The following PAMR1 variants were observed in gnomAD, a reference collection of about 807,000 sequenced individuals.
PAMR1 encodes the protein peptidase domain containing associated with muscle regeneration 1.
PAMR1 carries 88 observed loss-of-function variants against 81.8 expected under a neutral mutation model. That is an observed-to-expected ratio of 1.08 (90% confidence interval 0.91 to 1.28). PAMR1 has a LOEUF of 1.28. Among genes scored for constraint, PAMR1 ranks in the 50% most tolerant of loss-of-function variants. The probability of loss-of-function intolerance (pLI) is 0.00; values close to 1 mark genes in which losing one functional copy is unlikely to be tolerated. For missense variants in PAMR1, 935 were observed against 919.7 expected (o/e 1.02, Z -0.21); for synonymous variants, 336 against 345.3 (o/e 0.97, Z 0.30).
At chr11:35,525,769 C>A, upstream of PAMR1, 3 of 613,596 alleles carry the variant, frequency 4.9e-6, no homozygotes, top group Non-Finnish European at 8.7e-6. Flanking sequence ...GCGACGTCAG[C>A]CCAAACCTCT....
At chr11:35,493,722 GCACTTACTA>G (rs1459660521) in intron 2 of PAMR1, among the ~76,000 whole-genome samples, 7 of 152,088 alleles carry the variant, frequency 4.6e-5, no homozygotes, top group Non-Finnish European at 1.0e-4. Context: ...CTCTATCATA[GCACTTACTA>G]CACTGTATGG....
In PAMR1 at chr11:35,435,938, C is replaced by T. The variant is rs758294879; in HGVS notation, c.1298G>A (p.Gly433Glu). 1.7e-5 allele frequency: 28 copies of T among 1,614,192 alleles called. No homozygotes were observed. The highest frequency in any genetic ancestry group is 1.8e-5 in the Non-Finnish European group (21 of 1,180,034). The stretch of plus-strand genomic sequence containing the variant: ...GGATGGTGCCCGCCCACTCCACTTC[C>T]CAGTCCTCAGACATGTCCTCCTGCT... Reference protein sequence around the residue: ...GSSRRTCLRTGKWSGRAPSCI... With the variant: ...GSSRRTCLRTEKWSGRAPSCI... Residue 433 changes from glycine to glutamate, a missense_variant, in exon 9 of 11, where the codon GGG (glycine) becomes GAG (glutamate). Gly to Glu is a moderately conservative substitution (Grantham distance 98, BLOSUM62 -2). Transcript: ENST00000619888.
intron 10 of PAMR1, among the ~76,000 whole-genome samples, 170 bp downstream of exon 10, chr11:35,434,342 G>A (rs1855983182): frequency 6.6e-6 from 1 of 151,680 alleles, no homozygotes; most frequent in African/African-American, 2.4e-5. Flanking sequence ...AGCCTTTCTA[G>A]GTACCCCCAT....
chr11:35,514,918 T>A (rs1378798190), intron 1 of PAMR1, among the ~76,000 whole-genome samples: 2 of 152,116 alleles, frequency 1.3e-5, no homozygotes, highest in Non-Finnish European at 2.9e-5. Context: ...GGTGGGAGGA[T>A]CACTCGAGCC....
At chr11:35,488,570 AAC>A (rs1850555719) in intron 3 of PAMR1, among the ~76,000 whole-genome samples, 2 of 145,288 alleles carry the variant, frequency 1.4e-5, no homozygotes, top group South Asian at 2.2e-4. Flanking sequence ...TACTCATATA[AAC>A]TATCACCTTA....
At chr11:35,458,123 G>T (rs186383240) in intron 6 of PAMR1, among the ~76,000 whole-genome samples, 66 of 152,230 alleles carry the variant, frequency 4.3e-4, no homozygotes, top group African/African-American at 1.4e-3. Flanking sequence ...CTACTTTTTA[G>T]AAAGATATAA....
intron 1 of PAMR1, among the ~76,000 whole-genome samples, chr11:35,521,443 T>A (rs1851276045): frequency 6.6e-6 from 1 of 152,152 alleles, no homozygotes; most frequent in Non-Finnish European, 1.5e-5. Flanking sequence ...TAGCAGGTAT[T>A]AAACATATGG....
At chr11:35,445,660 C>A (rs1809531588) in intron 6 of PAMR1, among the ~76,000 whole-genome samples, 1 of 152,164 alleles carries the variant, frequency 6.6e-6, no homozygotes, top group African/African-American at 2.4e-5. Flanking sequence ...GTTGAACCAG[C>A]CTTGCATCCT....
At chr11:35,526,280 C>T (rs1322303362), upstream of PAMR1, among the ~76,000 whole-genome samples, 1 of 152,166 alleles carries the variant, frequency 6.6e-6, no homozygotes, top group African/African-American at 2.4e-5. Flanking sequence ...ATAAGCAGCT[C>T]CTGAGCTACT....
intron 6 of PAMR1, among the ~76,000 whole-genome samples, chr11:35,447,211 T>TC (rs1166155324): frequency 6.7e-6 from 1 of 149,130 alleles, no homozygotes; most frequent in Non-Finnish European, 1.5e-5. Context: ...CCTTTTTTTT[T>TC]TTTTTTTTTG....
Position 35,497,773 on chromosome 11 carries a change from T to C in PAMR1, c.74-3501A>G, listed in dbSNP as rs114007972. On this transcript the variant is annotated intron_variant, in intron 1 of 10. Transcript: ENST00000619888. ...TAACATGTCACTGTACTGATATTTA[T>C]TACTGTACTACATTATAACATTCAA... is the stretch of plus-strand genomic sequence containing the variant. 5.1e-3 allele frequency among the ~76,000 whole-genome samples: 783 copies of C among 152,370 alleles called. 1 individual carries two copies. Among genetic ancestry groups the C allele is most frequent in the African/African-American group, 0.018 (731 of 41,582 alleles).
chr11:35,475,791 G>A (rs1850274127), intron 3 of PAMR1, among the ~76,000 whole-genome samples: 2 of 152,164 alleles, frequency 1.3e-5, no homozygotes, highest in African/African-American at 4.8e-5. Context: ...GCTGTTTTTG[G>A]ACTATCATGG....
chr11:35,479,754 G>C (rs533543189), intron 3 of PAMR1, among the ~76,000 whole-genome samples: 1 of 152,304 alleles, frequency 6.6e-6, no homozygotes, highest in African/African-American at 2.4e-5. Flanking sequence ...CTCTGGGGCT[G>C]GCTTCTGAAT....
At chr11:35,457,650 C>T (rs114836405) in intron 6 of PAMR1, among the ~76,000 whole-genome samples, 2,249 of 152,172 alleles carry the variant, frequency 0.015, 56 homozygotes, top group African/African-American at 0.052. Context: ...GCCGCCTGTT[C>T]GACAAGGCTT....
intron 6 of PAMR1, among the ~76,000 whole-genome samples, chr11:35,455,925 G>T (rs1029452742): frequency 6.6e-5 from 10 of 151,756 alleles, no homozygotes; most frequent in Non-Finnish European, 5.9e-5. Flanking sequence ...AAAAGATTTG[G>T]GGCTTTCCTT....
rs563418300 is a variant in PAMR1 at position 35,434,323 on chromosome 11, A to T, written c.1626+189T>A. On this transcript the variant is annotated intron_variant, in intron 10 of 10. Transcript: ENST00000619888. ...TTAAAAAATAATCAAGGTGGAAAAAAGACTCCACAGCCTTTCTAGGTACCC... is the reference window on the plus strand; with the variant it reads ...TTAAAAAATAATCAAGGTGGAAAAATGACTCCACAGCCTTTCTAGGTACCC... Among the ~76,000 whole-genome samples, 7 of 152,084 alleles carry T rather than the reference A, an allele frequency of 4.6e-5. No homozygotes were observed. The South Asian group carries it at 6.2e-4, about 14-fold the overall frequency.
At chr11:35,465,060 G>T (rs1471410714) in intron 6 of PAMR1, among the ~76,000 whole-genome samples, 1 of 152,178 alleles carries the variant, frequency 6.6e-6, no homozygotes, top group African/African-American at 2.4e-5. Context: ...AGCAAGTGTC[G>T]TGTCTGAGAG....
intron 5 of PAMR1, among the ~76,000 whole-genome samples, chr11:35,468,963 A>G (rs1304800078): frequency 6.6e-6 from 1 of 152,244 alleles, no homozygotes; most frequent in East Asian, 1.9e-4. Context: ...TACAAGGAAG[A>G]ACAGGATGTC....
chr11:35,496,306 A>G (rs976112660), intron 1 of PAMR1, among the ~76,000 whole-genome samples: 1 of 152,244 alleles, frequency 6.6e-6, no homozygotes, highest in Non-Finnish European at 1.5e-5. Flanking sequence ...AGCAAAGGAC[A>G]TTATCAAATA....
Sources: allele counts gnomAD v4.1 joint callset (sites outside exome capture counted in the v4.1 genomes callset), GRCh38; gene constraint gnomAD v4.1.1; transcripts MANE v1.5; gene names NCBI Gene and HGNC (gene_info 2026-07-23, HGNC 2026-07-21).